Variants in IL1RAPL1 observed in about 807,000 individuals in gnomAD.
IL1RAPL1 encodes interleukin 1 receptor accessory protein like 1.
A neutral mutation model predicts 48.4 loss-of-function variants in IL1RAPL1; 3 were observed. That is an observed-to-expected ratio of 0.06 (90% CI 0.03 to 0.16). The LOEUF is 0.16. Among genes scored for constraint, IL1RAPL1 ranks in the 10% least tolerant of loss-of-function variants. The pLI is 1.00. For synonymous variants in IL1RAPL1, 185 were observed against 187.7 expected, an observed-to-expected ratio of 0.99 and a Z score of 0.12; for missense variants, 349 against 530.6, an observed-to-expected ratio of 0.66 and a Z score of 3.36.
chrX:29,080,994 T>TTCTCTCTCTCTCTCTCTCTCTCTCTC (rs201299964), intron 2 of IL1RAPL1, among the ~76,000 whole-genome samples: 1 of 26,438 alleles, frequency 3.8e-5, no homozygotes, highest in Non-Finnish European at 7.8e-5. Context: ...CTTTCTTTCT[T>TTCTCTCTCTCTCTCTCTCTCTCTCTC]TCTCTCTCTC....
intron 3 of IL1RAPL1, among the ~76,000 whole-genome samples, chrX:29,294,729 G>A (rs1280830622): frequency 9.0e-6 from 1 of 110,584 alleles, no homozygotes; most frequent in East Asian, 2.9e-4. Context: ...GCTGACCCCT[G>A]ATCTAGAAAA....
intron 1 of IL1RAPL1, among the ~76,000 whole-genome samples, chrX:28,726,760 A>T (rs1935681841): frequency 9.0e-6 from 1 of 111,399 alleles, no homozygotes; most frequent in African/African-American, 3.3e-5. Flanking sequence ...AAACTGAGGT[A>T]TAGAGAGAAT....
At chrX:29,506,576 T>C (rs1037305286) in intron 5 of IL1RAPL1, among the ~76,000 whole-genome samples, 4 of 110,173 alleles carry the variant, frequency 3.6e-5, no homozygotes, top group Admixed American at 9.7e-5. Flanking sequence ...ACCATCAGAG[T>C]GCTTCCTGTC....
chrX:29,266,914 C>T (rs913340072), intron 2 of IL1RAPL1, among the ~76,000 whole-genome samples: 1 of 111,741 alleles, frequency 8.9e-6, no homozygotes, highest in Non-Finnish European at 1.9e-5. Flanking sequence ...CTCATCTTTT[C>T]TAATGAAACC....
chrX:29,696,100 T>C (rs1326627394), intron 6 of IL1RAPL1, among the ~76,000 whole-genome samples: 3 of 111,426 alleles, frequency 2.7e-5, no homozygotes, highest in African/African-American at 9.8e-5. Flanking sequence ...ATTTTGTGCT[T>C]AATGATTCTT....
At chrX:29,774,216 A>G (rs1243439199) in intron 6 of IL1RAPL1, among the ~76,000 whole-genome samples, 1 of 107,676 alleles carries the variant, frequency 9.3e-6, no homozygotes, top group Admixed American at 1.0e-4. Context: ...TTTTTTAAAT[A>G]GGCTTTATAA....
At chrX:28,970,534 T>C in intron 2 of IL1RAPL1, among the ~76,000 whole-genome samples, 1 of 112,050 alleles carries the variant, frequency 8.9e-6, no homozygotes, top group South Asian at 3.7e-4. Context: ...CTAACTGTTC[T>C]TAACTTCTAT....
chrX:29,702,424 G>T (rs1221993880), intron 6 of IL1RAPL1, among the ~76,000 whole-genome samples: 1 of 111,086 alleles, frequency 9.0e-6, no homozygotes, highest in Non-Finnish European at 1.9e-5. Flanking sequence ...AGCAGTGAAA[G>T]ATTTATTTGT....
intron 5 of IL1RAPL1, among the ~76,000 whole-genome samples, chrX:29,466,619 G>A (rs1934865692): frequency 8.9e-6 from 1 of 111,930 alleles, no homozygotes; most frequent in African/African-American, 3.2e-5. Context: ...GATTAGTGCT[G>A]AAGTTCTGAT....
intron 6 of IL1RAPL1, among the ~76,000 whole-genome samples, chrX:29,788,359 G>C (rs1929552913): frequency 9.0e-6 from 1 of 111,444 alleles, no homozygotes; most frequent in African/African-American, 3.3e-5. Context: ...ATAAATCATA[G>C]TATGTTAGAA....
In IL1RAPL1 at chrX:28,723,964, T is replaced by A. The variant is rs775838778; in HGVS notation, c.-24-65356T>A. On this transcript the variant is annotated intron_variant, in intron 1 of 10. Coordinates refer to ENST00000378993, the MANE Select transcript of IL1RAPL1 (RefSeq NM_014271.4). ...TTGCACTGTGGTCTGAGAGACAGTTTGTTATAATTTCTGTTCTTTTACATT... is the reference window on the plus strand; with the variant it reads ...TTGCACTGTGGTCTGAGAGACAGTTAGTTATAATTTCTGTTCTTTTACATT... 2.0e-4 allele frequency among the ~76,000 whole-genome samples: 22 copies of A among 112,009 alleles called. No homozygotes were observed. The South Asian group carries it at 6.3e-3, about 32-fold the overall frequency.
At chrX:29,830,993 G>A (rs1165252183) in intron 6 of IL1RAPL1, among the ~76,000 whole-genome samples, 1 of 111,460 alleles carries the variant, frequency 9.0e-6, no homozygotes, top group Non-Finnish European at 1.9e-5. Context: ...CTAAGAGCTA[G>A]GAAAGAATGG....
chrX:28,853,486 T>A (rs2361551), intron 2 of IL1RAPL1, among the ~76,000 whole-genome samples: 1 of 89,650 alleles, frequency 1.1e-5, no homozygotes, highest in Non-Finnish European at 2.4e-5. Context: ...TGCATGTGTG[T>A]GCGCGCGCAC....
rs199864130 is a variant in IL1RAPL1 at position 29,283,004 on chromosome X, G to A, written c.149G>A (p.Arg50Gln). ...KYQVLVGEPV[R>Q]IKCALFYGYI... The stretch of plus-strand genomic sequence containing the variant: ...CAAGTTTTGGTGGGAGAGCCTGTTC[G>A]AATCAAATGTGCACTCTTTTATGGT... Residue 50 changes from arginine (R) to glutamine (Q), a missense_variant, in exon 3 of 11, where the codon CGA becomes CAA. Physicochemically the swap from Arg to Gln is conservative, Grantham distance 43. Around this residue, in one of 3 missense-constraint regions of IL1RAPL1, gnomAD observed 238 missense variants for 337.8 expected, o/e 0.70. Transcript: ENST00000378993. 3.1e-5 allele frequency: 37 copies of A among 1,208,513 alleles called. No homozygotes were observed. The highest frequency in any genetic ancestry group is 3.0e-4 in the African/African-American group (17 of 57,099).
intron 2 of IL1RAPL1, among the ~76,000 whole-genome samples, chrX:28,837,584 G>T (rs182861118): frequency 8.3e-5 from 9 of 107,916 alleles, no homozygotes; most frequent in African/African-American, 3.0e-4. Context: ...CAGGGCAAGA[G>T]ATGATAATTC....
chrX:28,724,772 C>T lies in IL1RAPL1; in HGVS notation c.-24-64548C>T, dbSNP rs189130735. Among the ~76,000 whole-genome samples the T allele has an allele frequency of 3.4e-3, 379 of 110,649 alleles. 2 individuals are homozygous for T. The highest frequency in any genetic ancestry group is 0.012 in the African/African-American group (364 of 30,464). On this transcript the variant is annotated intron_variant, in intron 1 of 10. Transcript: ENST00000378993. The stretch of plus-strand genomic sequence containing the variant: ...CCATGTTTAGTGCTTCCTTGAGGAG[C>T]TCCAGACCTGCCCTACAAGAATGAC...
rs756464613 is a variant in IL1RAPL1, at chrX:28,707,255, A to G, written c.-24-82065A>G. On this transcript the variant is annotated intron_variant, in intron 1 of 10. Coordinates refer to ENST00000378993, the MANE Select transcript of IL1RAPL1 (RefSeq NM_014271.4). The stretch of plus-strand genomic sequence containing the variant: ...AAGCCCTCCATGCTGAGGCATTTAT[A>G]TTCCTGGGAGAAGCCCTCAAGCAAT... Among the ~76,000 whole-genome samples the G allele has an allele frequency of 1.2e-4, 14 of 112,366 alleles. No homozygotes were observed. The East Asian group carries it at 4.0e-3, about 32-fold the overall frequency.
intron 2 of IL1RAPL1, among the ~76,000 whole-genome samples, chrX:28,890,852 A>G (rs1922753842): frequency 8.9e-6 from 1 of 112,211 alleles, no homozygotes; most frequent in South Asian, 3.6e-4. Context: ...TCATGAATGA[A>G]TGACAATATT....
At chrX:28,986,385 G>T (rs866772785) in intron 2 of IL1RAPL1, among the ~76,000 whole-genome samples, 1 of 112,373 alleles carries the variant, frequency 8.9e-6, no homozygotes, top group South Asian at 3.6e-4. Context: ...TTCCCCAAAA[G>T]TGTTATTTCT....
Sources: allele counts gnomAD v4.1 joint callset (sites outside exome capture counted in the v4.1 genomes callset), GRCh38; gene constraint gnomAD v4.1.1; regional missense constraint gnomAD v4.1.1; transcripts MANE v1.5; gene names NCBI Gene and HGNC (gene_info 2026-07-23, HGNC 2026-07-21).